Variants in CD33 observed in about 807,000 individuals in gnomAD.
CD33 encodes the protein myeloid cell surface antigen CD33.
A neutral mutation model predicts 31.4 loss-of-function variants in CD33; 25 were observed. That is an observed-to-expected ratio of 0.80 (90% CI 0.58 to 1.11). The LOEUF (loss-of-function observed/expected upper bound fraction) is 1.11. CD33 is among the 50% of genes most tolerant of loss of function. CD33 has a pLI of 0.00. For missense variants in CD33, 407 were observed against 448.1 expected, an observed-to-expected ratio of 0.91 and a Z score of 0.83; for synonymous variants, 176 against 180.6, an observed-to-expected ratio of 0.97 and a Z score of 0.20.
the CD33 span, among the ~76,000 whole-genome samples, chr19:51,214,644 T>C: frequency 2.0e-5 from 3 of 152,224 alleles, no homozygotes; most frequent in African/African-American, 2.4e-5. Context: ...AAAAGTTTTA[T>C]TTAAGTCCTT....
chr19:51,211,369 G>A, the CD33 span: 43 of 1,558,050 alleles, frequency 2.8e-5, no homozygotes, highest in South Asian at 3.1e-4. Context: ...AGGAGCCATT[G>A]TATCCAGGGA....
intron 6 of CD33, chr19:51,236,157 CA>C: frequency 3.0e-6 from 1 of 338,936 alleles, no homozygotes. Flanking sequence ...GACTCTGTCC[CA>C]AAAAGAAAAA....
At chr19:51,227,949 C>T (rs543880536) in intron 4 of CD33, among the ~76,000 whole-genome samples, 2 of 152,186 alleles carry the variant, frequency 1.3e-5, no homozygotes, top group African/African-American at 4.8e-5. Context: ...CACCAGTTTT[C>T]CCAGCATCAT....
Position 51,226,093 on chromosome 19 carries a change from G to A in CD33, c.697+12G>A, listed in dbSNP as rs772929129. The A allele has an allele frequency of 1.9e-6, 3 of 1,612,800 alleles. No homozygotes were observed. The highest frequency in any genetic ancestry group is 1.1e-5 in the South Asian group (1 of 91,022). On this transcript the variant is annotated intron_variant, in intron 3 of 6. Transcript: ENST00000262262. ...GCTCAACGTCACCTGTAAGTGCTGG[G>A]CCAGGATGCTGGGGTCCCTGAGGGT...
chr19:51,227,421 G>A (rs1981113150), intron 4 of CD33, among the ~76,000 whole-genome samples: 1 of 152,048 alleles, frequency 6.6e-6, no homozygotes, highest in Non-Finnish European at 1.5e-5. Flanking sequence ...CTCCCAACTG[G>A]GGTGATGTTA....
In CD33 at chr19:51,239,552, C is replaced by T. The variant is rs1198811168; in HGVS notation, c.959C>T (p.Thr320Ile). Reference protein sequence around the residue: ...HQKKSKLHGPTETSSCSGAAP... With the variant: ...HQKKSKLHGPIETSSCSGAAP... ...AAGAAGTCCAAGTTACATGGCCCCA[C>T]TGAAACCTCAAGCTGTTCAGGTGCC... The change falls in exon 7 of 7, where the codon ACT becomes ATT. Residue 320 changes from threonine (T) to isoleucine (I), a missense_variant. Thr to Ile is a moderately conservative substitution (Grantham distance 89, BLOSUM62 -1). Transcript: ENST00000262262. 3.1e-6 allele frequency: 5 copies of T among 1,612,012 alleles called. No individual in the cohort carries two copies. Among genetic ancestry groups the T allele is most frequent in the Non-Finnish European group, 4.2e-6 (5 of 1,179,198 alleles).
At chr19:51,230,746 T>A (rs578236440) in intron 4 of CD33, among the ~76,000 whole-genome samples, 1 of 152,232 alleles carries the variant, frequency 6.6e-6, no homozygotes, top group Non-Finnish European at 1.5e-5. Flanking sequence ...TCTATGTGTG[T>A]CTTCTAGGTG....
At chr19:51,219,784 A>G in the CD33 span, among the ~76,000 whole-genome samples, 1 of 152,188 alleles carries the variant, frequency 6.6e-6, no homozygotes, top group African/African-American at 2.4e-5. Context: ...TGGGATGATT[A>G]TATGGTTTTT....
chr19:51,233,583 G>A (rs549017559), intron 4 of CD33, among the ~76,000 whole-genome samples: 4 of 152,332 alleles, frequency 2.6e-5, no homozygotes, highest in African/African-American at 9.6e-5. Context: ...CAGCTTGCCC[G>A]CAGGGGCTGG....
chr19:51,239,357 T>A, intron 6 of CD33, 161 bp from the exon 7 acceptor site: 2 of 537,162 alleles, frequency 3.7e-6, no homozygotes, highest in Non-Finnish European at 6.4e-6. Context: ...ATGTGTTAGA[T>A]AATGAATAAG....
Position 51,235,566 on chromosome 19 carries a change from G to T in CD33, c.843-29G>T, listed in dbSNP as rs772372749. The T allele has an allele frequency of 2.5e-6, 4 of 1,603,090 alleles. No individual in the cohort carries two copies. In the South Asian group the frequency reaches 4.5e-5, roughly 18 times the overall value. ...ATGGCCCCACAGCCTGAGAAAACCA[G>T]GCTCAAAGACCCTGGTGTCTCCCAT... is the stretch of plus-strand genomic sequence containing the variant. On this transcript the variant is annotated intron_variant, in intron 5 of 6. Transcript: ENST00000262262.
In CD33 at chr19:51,225,087, C is replaced by T; in HGVS notation, c.-32C>T. 6.2e-7 allele frequency: 1 copy of T among 1,613,170 alleles called. No homozygotes were observed. Among genetic ancestry groups the T allele is most frequent in the Middle Eastern group, 1.8e-4 (1 of 5,466 alleles). On this transcript the variant is annotated 5_prime_UTR_variant, in exon 1 of 7. Transcript: ENST00000262262. ...CCACTCCCTTCCTCTTTTCTGCTCA[C>T]ACAGGAAGCCCTGGAAGCTGCTTCC...
At chr19:51,234,605 G>A (rs1226726562) in intron 4 of CD33, among the ~76,000 whole-genome samples, 2 of 152,130 alleles carry the variant, frequency 1.3e-5, no homozygotes, top group Non-Finnish European at 2.9e-5. Context: ...TAACAATGAT[G>A]CTCAGAGACA....
At chr19:51,232,173 G>A (rs1784607719) in intron 4 of CD33, among the ~76,000 whole-genome samples, 2 of 152,136 alleles carry the variant, frequency 1.3e-5, no homozygotes, top group South Asian at 4.1e-4. Context: ...TAGCTTTTCT[G>A]GGTATAGTAT....
rs565065005 is a variant in CD33, at chr19:51,229,837, C to A, written c.745+3481C>A. Among the ~76,000 whole-genome samples the A allele has an allele frequency of 1.9e-4, 29 of 151,672 alleles. No individual in the cohort carries two copies. In the East Asian group the frequency reaches 5.2e-3, roughly 27 times the overall value. ...TTTATTTATTTTTCCAAAAAGCGAACTTGTTCATTGATTTTTTTTTAATTT... is the reference window on the plus strand; with the variant it reads ...TTTATTTATTTTTCCAAAAAGCGAAATTGTTCATTGATTTTTTTTTAATTT... On this transcript the variant is annotated intron_variant, in intron 4 of 6. Coordinates refer to ENST00000262262, the MANE Select transcript of CD33 (RefSeq NM_001772.4).
chr19:51,224,252 T>A (rs146333059), upstream of CD33, among the ~76,000 whole-genome samples: 136 of 152,298 alleles, frequency 8.9e-4, 1 homozygote, highest in African/African-American at 3.2e-3. Context: ...TACATCTTTC[T>A]GCAGCTACAG....
Position 51,239,590 on chromosome 19 carries a change from G to C in CD33, c.997G>C (p.Glu333Gln), listed in dbSNP as rs1982032525. 6.2e-7 allele frequency: 1 copy of C among 1,613,758 alleles called. No individual in the cohort carries two copies. The highest frequency in any genetic ancestry group is 1.3e-5 in the African/African-American group (1 of 74,876). Residue 333 changes from glutamate to glutamine, a missense_variant, in exon 7 of 7, where the codon GAG (glutamate) becomes CAG (glutamine). Physicochemically the swap from Glu to Gln is conservative, Grantham distance 29. Coordinates refer to ENST00000262262, the MANE Select transcript of CD33 (RefSeq NM_001772.4). ...SSCSGAAPTV[E>Q]MDEELHYASL... ...CTGTTCAGGTGCCGCCCCTACTGTGGAGATGGATGAGGAGCTGCATTATGC... is the reference window on the plus strand; with the variant it reads ...CTGTTCAGGTGCCGCCCCTACTGTGCAGATGGATGAGGAGCTGCATTATGC...
chr19:51,213,297 A>C, the CD33 span, among the ~76,000 whole-genome samples: 1 of 151,968 alleles, frequency 6.6e-6, no homozygotes, highest in Non-Finnish European at 1.5e-5. Flanking sequence ...AAATTGTATG[A>C]TAAAGTGGCT....
intron 4 of CD33, among the ~76,000 whole-genome samples, chr19:51,234,879 A>G (rs1981665549): frequency 6.6e-6 from 1 of 152,038 alleles, no homozygotes; most frequent in East Asian, 1.9e-4. Context: ...GCTATGTCTG[A>G]GGTTCATTTC....
Sources: gnomAD v4.1 joint callset for allele counts (sites outside exome capture counted in the v4.1 genomes callset) on GRCh38, gnomAD v4.1.1 for gene constraint, MANE v1.5 for transcripts, NCBI Gene and HGNC (gene_info 2026-07-23, HGNC 2026-07-21) for gene names.